The following SCN1A variants were observed in gnomAD, a reference collection of about 807,000 sequenced individuals.
SCN1A encodes sodium channel protein type 1 subunit alpha.
In SCN1A, 13 loss-of-function variants were observed where a neutral mutation model predicts 193.7. The observed-to-expected ratio is 0.07, with a 90% CI of 0.04 to 0.11. SCN1A has a LOEUF of 0.11. Among genes scored for constraint, SCN1A ranks in the 10% least tolerant of loss-of-function variants. SCN1A has a pLI of 1.00. For synonymous variants in SCN1A, 781 were observed against 843.6 expected, an observed-to-expected ratio of 0.93 and a Z score of 1.29; for missense variants, 1,432 against 2,451.1, an observed-to-expected ratio of 0.58 and a Z score of 8.78.
rs1465245736 is a variant in SCN1A, at chr2:166,079,640, GCCTT to G, written c.-141-1843_-141-1840del. On this transcript the variant is annotated intron_variant, in intron 2 of 28. Coordinates refer to ENST00000674923, the MANE Select transcript of SCN1A (RefSeq NM_001165963.4). ...GAATGGACAGAAACAGTTACTAAAAGCCTTCCTATTCTCCAGAAATACTGCATTT... is the reference window on the plus strand; with the variant it reads ...GAATGGACAGAAACAGTTACTAAAAGCCTATTCTCCAGAAATACTGCATTT... Among the ~76,000 whole-genome samples, 3 of 150,748 alleles carry G rather than the reference GCCTT, an allele frequency of 2.0e-5. No homozygotes were observed. The East Asian group carries it at 5.8e-4, about 29-fold the overall frequency.
intron 2 of SCN1A, among the ~76,000 whole-genome samples, chr2:166,097,011 T>A (rs1030362342): frequency 1.5e-5 from 2 of 131,522 alleles, no homozygotes; most frequent in Non-Finnish European, 3.6e-5. Flanking sequence ...TTTGTGTGTG[T>A]TTTTTTTGTT....
At chr2:166,073,252 A>T (rs1684646098) in intron 4 of SCN1A, 106 bp downstream of exon 4, 6 of 1,336,388 alleles carry the variant, frequency 4.5e-6, no homozygotes, top group South Asian at 2.6e-5. Flanking sequence ...CTTAAACAGA[A>T]GGATACTTAA....
intron 19 of SCN1A, among the ~76,000 whole-genome samples, chr2:166,016,848 C>T (rs1467118995): frequency 6.6e-6 from 1 of 151,730 alleles, no homozygotes; most frequent in African/African-American, 2.4e-5. Flanking sequence ...GCAAGCCATT[C>T]AACCCGTTAT....
chr2:166,095,133 A>C (rs1429114370), intron 2 of SCN1A, among the ~76,000 whole-genome samples: 3 of 152,204 alleles, frequency 2.0e-5, no homozygotes, highest in Non-Finnish European at 4.4e-5. Flanking sequence ...TAGGGATAAA[A>C]ATTCAATTAC....
At chr2:166,001,819 A>T (rs1690889968) in intron 24 of SCN1A, among the ~76,000 whole-genome samples, 1 of 151,290 alleles carries the variant, frequency 6.6e-6, no homozygotes, top group African/African-American at 2.4e-5. Flanking sequence ...ATTTGAGATA[A>T]GACAACAGCT....
intron 19 of SCN1A, among the ~76,000 whole-genome samples, chr2:166,031,933 A>G (rs1695614096): frequency 6.6e-6 from 1 of 152,108 alleles, no homozygotes; most frequent in African/African-American, 2.4e-5. Context: ...CCATTTACCA[A>G]CTTTATAACT....
At chr2:166,096,042 A>G (rs1320209111) in intron 2 of SCN1A, among the ~76,000 whole-genome samples, 1 of 152,202 alleles carries the variant, frequency 6.6e-6, no homozygotes, top group Admixed American at 6.5e-5. Flanking sequence ...GTCCCACTCC[A>G]GTTTTGGATT....
rs1450674953 is a variant in SCN1A, at chr2:166,073,686, T to C, written c.-49-16A>G. The C allele has an allele frequency of 1.9e-6, 3 of 1,552,024 alleles. No homozygotes were observed. The highest frequency in any genetic ancestry group is 2.7e-6 in the Non-Finnish European group (3 of 1,128,806). On this transcript the variant is annotated splice_polypyrimidine_tract_variant and intron_variant, in intron 3 of 28. Coordinates refer to ENST00000674923, the MANE Select transcript of SCN1A (RefSeq NM_001165963.4). ...TATGAAATTCCTAAAATAAAAGGAA[T>C]ACAGATATTTTAAAGAGTGGACTAA...
chr2:166,055,756 A>G (rs1230880702), intron 6 of SCN1A, among the ~76,000 whole-genome samples: 2 of 152,022 alleles, frequency 1.3e-5, no homozygotes, highest in African/African-American at 4.8e-5. Flanking sequence ...AACTTCAGTT[A>G]TCACAAATCT....
intron 24 of SCN1A, 80 bp downstream of exon 24, chr2:166,002,392 A>T (rs1222585516): frequency 7.3e-7 from 1 of 1,377,106 alleles, no homozygotes; most frequent in Non-Finnish European, 1.0e-6. Flanking sequence ...TTTTCTTAGG[A>T]ACTAAATAAT....
At chr2:166,039,712 T>A in intron 16 of SCN1A, 116 bp from the exon 17 acceptor site, 2 of 886,586 alleles carry the variant, frequency 2.3e-6, no homozygotes, top group Non-Finnish European at 3.6e-6. Flanking sequence ...ATTACTAACT[T>A]AAATTTGTAT....
At position 165,992,758 on chromosome 2, in the gene SCN1A, T is replaced by A. The variant is rs908659398; in HGVS notation, c.4853-336A>T. 2.5e-5 allele frequency: 4 copies of A among 161,034 alleles called. No homozygotes were observed. The highest frequency in any genetic ancestry group is 4.0e-5 in the Non-Finnish European group (3 of 75,518). The allele number at this position is 161,034 out of a possible 1,614,324, so 10.0% of individuals were successfully genotyped here. ...TGGCCGAACAGTAGCAGCCCAACAG[T>A]ATAGGTACAAGTTTATATGTATACA... is the stretch of plus-strand genomic sequence containing the variant. On this transcript the variant is annotated intron_variant, in intron 28 of 28. Transcript: ENST00000674923. This position sits in a 1 kb window ranked among gnomAD's most constrained non-coding sequence, Gnocchi z 6.5.
chr2:166,049,942 G>A (rs535769961), intron 9 of SCN1A, among the ~76,000 whole-genome samples: 9 of 151,852 alleles, frequency 5.9e-5, no homozygotes, highest in Non-Finnish European at 1.2e-4. Flanking sequence ...AATCAATGTT[G>A]GATTTTGTAA....
intron 19 of SCN1A, among the ~76,000 whole-genome samples, chr2:166,023,022 A>G (rs1315339828): frequency 1.3e-5 from 2 of 152,208 alleles, no homozygotes; most frequent in Non-Finnish European, 2.9e-5. Flanking sequence ...AAAAAAAAAC[A>G]AACTAGGATG....
intron 4 of SCN1A, chr2:166,060,950 A>G (rs1683246216): frequency 1.3e-5 from 2 of 152,172 alleles, no homozygotes; most frequent in Non-Finnish European, 2.9e-5. Flanking sequence ...ATTTTAAAAT[A>G]AGAATCTCTT....
chr2:165,991,333 G>T lies in SCN1A; in HGVS notation c.5942C>A (p.Ala1981Asp), dbSNP rs148986284. 7 of 1,613,290 alleles carry T rather than the reference G, an allele frequency of 4.3e-6. No homozygotes were observed. The African/African-American group carries it at 8.0e-5, about 18-fold the overall frequency. The stretch of plus-strand genomic sequence containing the variant: ...CACCCGGTCATAGGAAGGTGGACAA[G>T]CTGCAGTGGACATGGTCAGATCAGT... The part of the protein sequence containing the change: ...EKTDLTMSTA[A>D]CPPSYDRVTK... The change falls in exon 29 of 29, where the codon GCT (alanine) becomes GAT (aspartate). Residue 1981 changes from alanine to aspartate, a missense_variant. Around this residue, in one of 18 missense-constraint regions of SCN1A, gnomAD observed 148 missense variants for 160.3 expected, o/e 0.92. Transcript: ENST00000674923.
intron 2 of SCN1A, among the ~76,000 whole-genome samples, chr2:166,110,198 A>G (rs889984722): frequency 5.3e-5 from 8 of 152,102 alleles, no homozygotes; most frequent in African/African-American, 1.7e-4. Flanking sequence ...TAATCCCTAC[A>G]ATGGCCTTTA....
intron 19 of SCN1A, among the ~76,000 whole-genome samples, chr2:166,033,846 T>G (rs1186420300): frequency 6.9e-6 from 1 of 145,412 alleles, no homozygotes; most frequent in Non-Finnish European, 1.5e-5. Context: ...TCCTTTTTAA[T>G]ATAACAGATA....
At chr2:166,115,838 G>A (rs778797705) in intron 2 of SCN1A, among the ~76,000 whole-genome samples, 36 of 152,286 alleles carry the variant, frequency 2.4e-4, no homozygotes, top group Non-Finnish European at 4.9e-4. Flanking sequence ...GTACAGTATA[G>A]CAGAGGAAGA....
Sources: allele counts gnomAD v4.1 joint callset (sites outside exome capture counted in the v4.1 genomes callset), GRCh38; gene constraint gnomAD v4.1.1; regional missense constraint gnomAD v4.1.1; non-coding constraint Gnocchi (gnomAD v3.1); transcripts MANE v1.5; gene names NCBI Gene and HGNC (gene_info 2026-07-23, HGNC 2026-07-21).